Variants in AUTS2 observed in about 807,000 individuals in gnomAD.
AUTS2 encodes the protein activator of transcription and developmental regulator AUTS2.
Under a neutral mutation model 112.4 loss-of-function variants are expected in AUTS2, and 17 were observed. The ratio of observed to expected loss-of-function variants is 0.15; its 90% CI spans 0.10 to 0.23. The LOEUF (loss-of-function observed/expected upper bound fraction) is 0.23, where lower values mean the gene tolerates loss of function less well. Among genes scored for constraint, AUTS2 ranks in the 10% least tolerant of loss-of-function variants. The probability of loss-of-function intolerance (pLI) is 1.00; values close to 1 mark genes in which losing one functional copy is unlikely to be tolerated. For missense variants in AUTS2, 1,510 were observed against 1,701.6 expected (o/e 0.89, Z 1.98); for synonymous variants, 751 against 702.7 (o/e 1.07, Z -1.09).
At chr7:70,710,803 C>T (rs755800448) in intron 6 of AUTS2, among the ~76,000 whole-genome samples, 9 of 152,204 alleles carry the variant, frequency 5.9e-5, no homozygotes, top group Non-Finnish European at 1.0e-4. Context: ...CAGCAAGAAG[C>T]TTAAAAAACA....
At chr7:70,142,121 C>T (rs1806898051) in intron 4 of AUTS2, among the ~76,000 whole-genome samples, 1 of 152,192 alleles carries the variant, frequency 6.6e-6, no homozygotes, top group Non-Finnish European at 1.5e-5. Context: ...CTACAGGAAT[C>T]TTTGACATTG....
intron 1 of AUTS2, among the ~76,000 whole-genome samples, chr7:69,839,788 A>AGTTGTT (rs752839122): frequency 3.2e-4 from 48 of 152,046 alleles, no homozygotes; most frequent in African/African-American, 1.0e-3. Context: ...AGCCACCTGC[A>AGTTGTT]GTTGTTGTTG....
intron 5 of AUTS2, among the ~76,000 whole-genome samples, chr7:70,501,607 G>A (rs774989613): frequency 2.0e-5 from 3 of 151,994 alleles, no homozygotes; most frequent in East Asian, 1.9e-4. Flanking sequence ...TGGTTTTGTC[G>A]TTGGGTAGGG....
At chr7:70,175,761 A>G (rs544306136) in intron 4 of AUTS2, among the ~76,000 whole-genome samples, 91 of 152,356 alleles carry the variant, frequency 6.0e-4, no homozygotes, top group African/African-American at 2.2e-3. Context: ...AAGCATTTTT[A>G]AAATTAAGGT....
At chr7:69,667,645 T>C (rs2533432) in intron 1 of AUTS2, among the ~76,000 whole-genome samples, 108,354 of 152,070 alleles carry the variant, frequency 0.71, 38,665 homozygotes, top group East Asian at 0.78. Context: ...TGTGAGCCAC[T>C]GCACCCAGCC....
chr7:70,056,079 C>A (rs887174406), intron 2 of AUTS2, among the ~76,000 whole-genome samples: 1 of 152,082 alleles, frequency 6.6e-6, no homozygotes, highest in Non-Finnish European at 1.5e-5. Context: ...CCTCCACCTC[C>A]CGGGTTCTAG....
chr7:70,224,901 A>T (rs1271126818), intron 4 of AUTS2, among the ~76,000 whole-genome samples: 1 of 152,256 alleles, frequency 6.6e-6, no homozygotes, highest in Admixed American at 6.5e-5. Flanking sequence ...TAGGAGCAAT[A>T]GGTTATGCTA....
At chr7:69,984,615 G>A (rs1459234568) in intron 2 of AUTS2, among the ~76,000 whole-genome samples, 1 of 152,062 alleles carries the variant, frequency 6.6e-6, no homozygotes, top group African/African-American at 2.4e-5. Context: ...GTTTGTCAAT[G>A]AGGTCAGACA....
intron 5 of AUTS2, among the ~76,000 whole-genome samples, chr7:70,693,542 G>C (rs963634487): frequency 1.3e-5 from 2 of 152,222 alleles, no homozygotes; most frequent in African/African-American, 4.8e-5. Context: ...GGTGGGGAAG[G>C]AGGTTAGGTG....
chr7:70,224,331 G>GTACAA (rs61077173), intron 4 of AUTS2, among the ~76,000 whole-genome samples: 5,839 of 138,580 alleles, frequency 0.042, 427 homozygotes, highest in East Asian at 0.056. Context: ...ATACAGTACA[G>GTACAA]TACAATACAA....
chr7:70,191,448 G>C (rs1220046300), intron 4 of AUTS2, among the ~76,000 whole-genome samples: 1 of 152,138 alleles, frequency 6.6e-6, no homozygotes, highest in Non-Finnish European at 1.5e-5. Flanking sequence ...TGGGATTATA[G>C]GCGTGAGCCA....
At chr7:69,833,600 A>T (rs561176168) in intron 1 of AUTS2, among the ~76,000 whole-genome samples, 5 of 152,142 alleles carry the variant, frequency 3.3e-5, no homozygotes, top group Non-Finnish European at 5.9e-5. Flanking sequence ...ACGCCCAGCT[A>T]ATTTTTGTAC....
chr7:69,804,161 A>G (rs995024051), intron 1 of AUTS2, among the ~76,000 whole-genome samples: 2 of 152,208 alleles, frequency 1.3e-5, no homozygotes, highest in Non-Finnish European at 2.9e-5. Context: ...ATATTGGCTG[A>G]TAGTATTTGA....
intron 5 of AUTS2, among the ~76,000 whole-genome samples, chr7:70,461,921 G>T (rs1056247246): frequency 1.3e-5 from 2 of 152,152 alleles, no homozygotes; most frequent in Non-Finnish European, 2.9e-5. Flanking sequence ...TTTCTCAAAA[G>T]AGTTGATTTG....
intron 5 of AUTS2, among the ~76,000 whole-genome samples, chr7:70,444,188 G>A (rs907323076): frequency 1.3e-5 from 2 of 152,192 alleles, no homozygotes; most frequent in Non-Finnish European, 2.9e-5. Context: ...AGAGGCATTT[G>A]TACAGGTGAT....
chr7:70,042,898 T>C (rs1801309001), intron 2 of AUTS2, among the ~76,000 whole-genome samples: 1 of 152,112 alleles, frequency 6.6e-6, no homozygotes, highest in Non-Finnish European at 1.5e-5. Flanking sequence ...AGTATTTTGC[T>C]TGGAGACATA....
chr7:69,882,655 T>G (rs1794105615), intron 1 of AUTS2, among the ~76,000 whole-genome samples: 1 of 152,214 alleles, frequency 6.6e-6, no homozygotes, highest in South Asian at 2.1e-4. Context: ...CATTAACTAA[T>G]TTAATCCTAA....
chr7:70,775,471 A>T, intron 13 of AUTS2, 85 bp downstream of exon 13: 1 of 1,092,656 alleles, frequency 9.2e-7, no homozygotes, highest in South Asian at 1.4e-5. Context: ...CAAGGAAATA[A>T]GCCATAGAAA....
chr7:70,533,160 T>C (rs531322319), intron 5 of AUTS2, among the ~76,000 whole-genome samples: 1 of 152,288 alleles, frequency 6.6e-6, no homozygotes, highest in East Asian at 1.9e-4. Context: ...TCTCACTCTG[T>C]CACCCAGGCT....
Sources: gnomAD v4.1 joint callset for allele counts (sites outside exome capture counted in the v4.1 genomes callset) on GRCh38, gnomAD v4.1.1 for gene constraint, MANE v1.5 for transcripts, NCBI Gene and HGNC (gene_info 2026-07-23, HGNC 2026-07-21) for gene names.